Variants in KLC1 observed in about 807,000 individuals in gnomAD.
KLC1 encodes kinesin light chain 1.
In KLC1, 30 loss-of-function variants were observed where a neutral mutation model predicts 84.2. That is an observed-to-expected ratio of 0.36 (90% confidence interval 0.27 to 0.48). The LOEUF (loss-of-function observed/expected upper bound fraction) is 0.48. Ranked by LOEUF, KLC1 falls within the 20% of genes least tolerant of loss-of-function variation. KLC1 has a pLI of 0.99. For missense variants in KLC1, 499 were observed against 805.4 expected (o/e 0.62, Z 4.60); for synonymous variants, 289 against 293.3 (o/e 0.99, Z 0.15).
At chr14:103,695,428 G>T (rs149063252) in intron 15 of KLC1, 190 of 984,862 alleles carry the variant, frequency 1.9e-4, no homozygotes, top group African/African-American at 2.1e-4. Flanking sequence ...AAAAAGGGGG[G>T]TGTAGAGCAG....
At chr14:103,698,566 C>T (rs2082773667) in intron 15 of KLC1, 7 of 576,612 alleles carry the variant, frequency 1.2e-5, no homozygotes, top group Admixed American at 3.0e-5. Context: ...ACCAGGTACC[C>T]AGCAAGCGGG....
At chr14:103,686,902 A>G (rs1362678126) in intron 13 of KLC1, 179 bp from the exon 14 acceptor site, 6 of 306,154 alleles carry the variant, frequency 2.0e-5, no homozygotes, top group Non-Finnish European at 3.8e-5. Context: ...AAAAAGAACA[A>G]TTTCTAGTTA....
intron 1 of KLC1, among the ~76,000 whole-genome samples, chr14:103,654,037 G>C (rs536145524): frequency 4.7e-4 from 72 of 152,304 alleles, no homozygotes; most frequent in African/African-American, 1.7e-3. Flanking sequence ...AGCCTGCCCG[G>C]TGACCGTGCT....
At chr14:103,679,206 G>A (rs754973753) in intron 12 of KLC1, 178 bp from the exon 13 acceptor site, 12 of 729,080 alleles carry the variant, frequency 1.6e-5, no homozygotes, top group Non-Finnish European at 2.4e-5. Context: ...GGGGTCCTTT[G>A]TGTTTCCAGT....
chr14:103,638,609 C>A (rs2077230033), intron 1 of KLC1, among the ~76,000 whole-genome samples: 1 of 151,150 alleles, frequency 6.6e-6, no homozygotes, highest in Non-Finnish European at 1.5e-5. Context: ...GTAAAGTGAC[C>A]AAAGATGATG....
Position 103,699,118 on chromosome 14 carries a change from C to T in KLC1, c.1849-1537C>T, listed in dbSNP as rs1442469353. On this transcript the variant is annotated intron_variant, in intron 15 of 16. Transcript: ENST00000334553. ...CACCTGCACAGAGGTGCACACACCA[C>T]ATGGCTGCACTCACCCCAGCGGCCC... 7.6e-6 allele frequency: 12 copies of T among 1,572,134 alleles called. No homozygotes were observed. In the East Asian group the frequency reaches 2.4e-4, roughly 31 times the overall value.
At chr14:103,670,312 T>G in intron 7 of KLC1, 29 bp downstream of exon 7, 1 of 1,524,106 alleles carries the variant, frequency 6.6e-7, no homozygotes, top group Non-Finnish European at 9.0e-7. Context: ...GTCGTTTTCT[T>G]TGAGATTTTT....
chr14:103,668,153 A>C (rs1205607244), intron 5 of KLC1, among the ~76,000 whole-genome samples: 3 of 152,242 alleles, frequency 2.0e-5, no homozygotes, highest in Non-Finnish European at 4.4e-5. Flanking sequence ...GAAGGCTGGG[A>C]CTGCGTGAGG....
rs183116832 is a variant in KLC1 at position 103,643,432 on chromosome 14, C to T, written c.-1-11132C>T. Among the ~76,000 whole-genome samples, 53 of 152,236 alleles carry T rather than the reference C, an allele frequency of 3.5e-4. No individual in the cohort carries two copies. In the East Asian group the frequency reaches 4.6e-3, roughly 13 times the overall value. On this transcript the variant is annotated intron_variant, in intron 1 of 16. Transcript: ENST00000334553. ...GTATTAGGTGTAAATCATGTTGGCA[C>T]GTGCCCTTGATAGAATTGTTATGAA...
At chr14:103,688,498 T>C (rs545068726) in intron 14 of KLC1, among the ~76,000 whole-genome samples, 9 of 152,324 alleles carry the variant, frequency 5.9e-5, no homozygotes, top group African/African-American at 9.6e-5. Context: ...TGTCCACTTT[T>C]TCATCTCTCT....
intron 14 of KLC1, among the ~76,000 whole-genome samples, chr14:103,691,317 C>T (rs2082096884): frequency 6.6e-6 from 1 of 151,814 alleles, no homozygotes; most frequent in African/African-American, 2.4e-5. Context: ...TACCACCACG[C>T]CTGGCTAATT....
chr14:103,663,989 C>T (rs2079527267), intron 5 of KLC1, among the ~76,000 whole-genome samples: 1 of 152,112 alleles, frequency 6.6e-6, no homozygotes. Flanking sequence ...AGAAAGTAAG[C>T]CCCCTGTTAT....
At chr14:103,632,395 A>C (rs996054520) in intron 1 of KLC1, among the ~76,000 whole-genome samples, 35 of 151,880 alleles carry the variant, frequency 2.3e-4, no homozygotes, top group South Asian at 2.1e-4. Flanking sequence ...ACTGCAGTCC[A>C]GCCAGACTCC....
chr14:103,629,969 G>A (rs1240947919), intron 1 of KLC1, among the ~76,000 whole-genome samples: 1 of 151,990 alleles, frequency 6.6e-6, no homozygotes, highest in Non-Finnish European at 1.5e-5. Context: ...GGCTTTGTCC[G>A]ATTCCTCCTC....
At position 103,673,124 on chromosome 14, in the gene KLC1, C is replaced by A. The variant is rs1436622807; in HGVS notation, c.1098C>A (p.Leu366=). ...EEVEYYYQRA[L]EIYQTKLGPD... is the part of the protein sequence containing the mutation. ...TAGAATATTATTATCAAAGAGCCCT[C>A]GAGATCTACCAGACAAAACTGGGAC... The change falls in exon 8 of 17, where the codon CTC becomes CTA. Residue 366 remains leucine (L), a synonymous_variant. Coordinates refer to ENST00000334553, the MANE Select transcript of KLC1 (RefSeq NM_001394837.1). 6.2e-7 allele frequency: 1 copy of A among 1,613,978 alleles called. No homozygotes were observed.
chr14:103,638,640 T>C (rs902170219), intron 1 of KLC1, among the ~76,000 whole-genome samples: 1 of 149,490 alleles, frequency 6.7e-6, no homozygotes, highest in Non-Finnish European at 1.5e-5. Flanking sequence ...CTCTGGCCTT[T>C]GCTTTCATTT....
intron 15 of KLC1, chr14:103,695,346 TATATATATATATATACATAC>T (rs2082373932): frequency 3.3e-6 from 1 of 301,604 alleles, no homozygotes; most frequent in African/African-American, 8.9e-5. Context: ...TGTGTATATA[TATATATATATATATACATAC>T]ATATATATAC....
chr14:103,696,828 T>C (rs2082565179), intron 15 of KLC1: 1 of 985,370 alleles, frequency 1.0e-6, no homozygotes, highest in African/African-American at 1.7e-5. Context: ...CCCATGGCCC[T>C]GGCCTGGAAC....
intron 3 of KLC1, among the ~76,000 whole-genome samples, chr14:103,660,184 T>C (rs1474046702): frequency 6.6e-6 from 1 of 152,138 alleles, no homozygotes; most frequent in Non-Finnish European, 1.5e-5. Flanking sequence ...CTAAATGTTT[T>C]GATTTAAAAG....
Sources: allele counts gnomAD v4.1 joint callset (sites outside exome capture counted in the v4.1 genomes callset), GRCh38; gene constraint gnomAD v4.1.1; transcripts MANE v1.5; gene names NCBI Gene and HGNC (gene_info 2026-07-23, HGNC 2026-07-21).